RANBP2: variants seen among roughly 807,000 people sequenced by gnomAD.
RANBP2 encodes the protein RAN binding protein 2, also known as E3 SUMO-protein ligase RanBP2.
A neutral mutation model predicts 303.6 loss-of-function variants in RANBP2; 57 were observed. That is an observed-to-expected ratio of 0.19 (90% CI 0.15 to 0.23). The LOEUF is 0.23. RANBP2 is among the 10% of genes least tolerant of loss of function. The pLI is 1.00. For missense variants in RANBP2, 3,138 were observed against 3,780.8 expected (o/e 0.83, Z 4.46); for synonymous variants, 1,167 against 1,301.5 (o/e 0.90, Z 2.23).
the RANBP2 span, chr2:108,896,785 AG>A: frequency 3.1e-6 from 3 of 960,536 alleles, no homozygotes; most frequent in Admixed American, 6.9e-5. Context: ...GAACATCCTA[AG>A]GCATACGGTG....
chr2:109,740,282 C>A, the RANBP2 span, among the ~76,000 whole-genome samples: 1 of 151,868 alleles, frequency 6.6e-6, no homozygotes, highest in Non-Finnish European at 1.5e-5. Context: ...CCACTGCGCC[C>A]GGCCAAGAAG....
chr2:108,961,262 C>G, the RANBP2 span, among the ~76,000 whole-genome samples: 1 of 151,962 alleles, frequency 6.6e-6, no homozygotes, highest in East Asian at 1.9e-4. Context: ...GGAACAGTTG[C>G]CAGTCCTTTC....
chr2:109,112,552 G>C, the RANBP2 span, among the ~76,000 whole-genome samples: 1 of 151,688 alleles, frequency 6.6e-6, no homozygotes, highest in Admixed American at 6.6e-5. Flanking sequence ...CAGATGAGTA[G>C]GTTGCGAAAA....
the RANBP2 span, among the ~76,000 whole-genome samples, chr2:108,902,839 G>A: frequency 2.8e-4 from 42 of 152,144 alleles, no homozygotes; most frequent in Non-Finnish European, 5.4e-4. Flanking sequence ...TCAGAAATAA[G>A]GCAAGGATTT....
the RANBP2 span, among the ~76,000 whole-genome samples, chr2:108,960,943 A>T: frequency 6.6e-6 from 1 of 152,234 alleles, no homozygotes; most frequent in Non-Finnish European, 1.5e-5. Context: ...AAAGTTTTTC[A>T]CTATTATAAT....
the RANBP2 span, among the ~76,000 whole-genome samples, chr2:108,968,950 A>G: frequency 0.01 from 1,545 of 152,302 alleles, 24 homozygotes; most frequent in Middle Eastern, 0.02. Context: ...GTAAGACTTC[A>G]CTGCTCTGTG....
At chr2:109,313,523 C>T in the RANBP2 span, 16 of 154,866 alleles carry the variant, frequency 1.0e-4, no homozygotes, top group Middle Eastern at 5.1e-4. Context: ...AGTTGGTCAT[C>T]GCAATGGTCT....
At chr2:109,558,209 C>T in the RANBP2 span, among the ~76,000 whole-genome samples, 2 of 152,154 alleles carry the variant, frequency 1.3e-5, no homozygotes, top group East Asian at 3.8e-4. Context: ...CAAGAAAAGT[C>T]CTTTCCTTCA....
chr2:109,451,658 G>A, the RANBP2 span, among the ~76,000 whole-genome samples: 7 of 152,292 alleles, frequency 4.6e-5, no homozygotes, highest in South Asian at 1.0e-3. Flanking sequence ...TAAATATTTC[G>A]CTTTCTCTTA....
At chr2:109,227,532 C>T in the RANBP2 span, among the ~76,000 whole-genome samples, 1 of 152,238 alleles carries the variant, frequency 6.6e-6, no homozygotes, top group Non-Finnish European at 1.5e-5. Context: ...GCTCCCGGGT[C>T]TGCCTGGGCC....
chr2:109,685,192 T>C, the RANBP2 span, among the ~76,000 whole-genome samples: 1 of 152,238 alleles, frequency 6.6e-6, no homozygotes, highest in Admixed American at 6.5e-5. Context: ...TTTTAATAGC[T>C]GCATACTGTT....
At chr2:108,791,613 T>C in the RANBP2 span, 2 of 1,551,474 alleles carry the variant, frequency 1.3e-6, no homozygotes, top group Non-Finnish European at 1.8e-6. Context: ...AAAAGCAGTT[T>C]TATCTTTTTA....
downstream of RANBP2, among the ~76,000 whole-genome samples, chr2:108,787,143 G>C (rs1558954091): frequency 6.6e-6 from 1 of 152,212 alleles, no homozygotes; most frequent in Non-Finnish European, 1.5e-5. Flanking sequence ...CTGGTATACT[G>C]GGCATGGTGT....
chr2:109,693,225 T>C, the RANBP2 span, among the ~76,000 whole-genome samples: 1 of 152,152 alleles, frequency 6.6e-6, no homozygotes, highest in Non-Finnish European at 1.5e-5. Context: ...TCGCCCAGGC[T>C]GGAGTGCAGT....
At chr2:109,467,593 G>A in the RANBP2 span, among the ~76,000 whole-genome samples, 3 of 152,182 alleles carry the variant, frequency 2.0e-5, no homozygotes, top group Admixed American at 2.0e-4. Flanking sequence ...GTCAAAACTT[G>A]TCAAATAGAT....
chr2:109,178,218 T>A, the RANBP2 span, among the ~76,000 whole-genome samples: 1 of 152,256 alleles, frequency 6.6e-6, no homozygotes, highest in African/African-American at 2.4e-5. Context: ...ATTTCATACA[T>A]TGCAGAGTCA....
chr2:109,577,686 G>A, the RANBP2 span, among the ~76,000 whole-genome samples: 1 of 151,852 alleles, frequency 6.6e-6, no homozygotes, highest in African/African-American at 2.4e-5. Context: ...GCCAAGGTGA[G>A]AAGATCGCTT....
the RANBP2 span, among the ~76,000 whole-genome samples, chr2:108,967,935 C>T: frequency 3.8e-3 from 579 of 152,262 alleles, 5 homozygotes; most frequent in African/African-American, 0.014. Context: ...TCCGGCTTTG[C>T]GGAGCTGGAG....
At chr2:108,979,863 C>T in the RANBP2 span, among the ~76,000 whole-genome samples, 160 of 152,222 alleles carry the variant, frequency 1.1e-3, no homozygotes, top group Non-Finnish European at 2.0e-3. Context: ...CTGGCTCTGA[C>T]GGGCAGCACA....
Sources: gnomAD v4.1 joint callset for allele counts (sites outside exome capture counted in the v4.1 genomes callset) on GRCh38, gnomAD v4.1.1 for gene constraint, MANE v1.5 for transcripts, NCBI Gene and HGNC (gene_info 2026-07-23, HGNC 2026-07-21) for gene names.